TEX46: variants seen among roughly 807,000 people sequenced by gnomAD.
The protein encoded by TEX46 is testis expressed 46, also known as testis-expressed protein 46.
Under a neutral mutation model 5.3 loss-of-function variants are expected in TEX46, and 6 were observed. The ratio of observed to expected loss-of-function variants is 1.13; its 90% CI spans 0.62 to 2.23. TEX46 has a LOEUF of 2.23. Ranked by LOEUF, TEX46 falls within the 30% of genes most tolerant of loss-of-function variation. TEX46 has a pLI of 0.00. For synonymous variants in TEX46, 41 were observed against 54.6 expected, an observed-to-expected ratio of 0.75 and a Z score of 1.10; for missense variants, 131 against 150.9, an observed-to-expected ratio of 0.87 and a Z score of 0.69.
At chr1:23,012,761 G>A (rs1055961456) in intron 2 of TEX46, among the ~76,000 whole-genome samples, 5 of 152,142 alleles carry the variant, frequency 3.3e-5, no homozygotes, top group African/African-American at 1.2e-4. Flanking sequence ...TCCCACAATG[G>A]AGAATTATCT....
Position 23,013,166 on chromosome 1 carries a change from C to CTGTTTTGCA in TEX46, c.165+716_165+717insTGCAAAACA, listed in dbSNP as rs567730503. Among the ~76,000 whole-genome samples the CTGTTTTGCA allele has an allele frequency of 3.1e-3, 465 of 152,022 alleles. 5 individuals carry two copies. Among genetic ancestry groups the CTGTTTTGCA allele is most frequent in the African/African-American group, 0.01 (433 of 41,490 alleles). ...TATAGCTGTGAGCCACTGCGCCAGG[C>CTGTTTTGCA]TGTTTTGCTTTTTATTTTTGTTTTT... On this transcript the variant is annotated intron_variant, in intron 2 of 2. Transcript: ENST00000566855.
At chr1:23,014,581 TCTCA>T (rs1396949490) in intron 1 of TEX46, among the ~76,000 whole-genome samples, 4 of 152,052 alleles carry the variant, frequency 2.6e-5, no homozygotes, top group Non-Finnish European at 4.4e-5. Context: ...TGAGACAAGG[TCTCA>T]CTGTGTTGCC....
rs1461579914 is a variant in TEX46 at position 23,012,894 on chromosome 1, C to CA, written c.165+988dup. ...CTTTTTTTTTTTTTTTTTTTTGAGACAGAGTCTCACTCTGTCATCCAGGCT... is the reference window on the plus strand; with the variant it reads ...CTTTTTTTTTTTTTTTTTTTTGAGACAAGAGTCTCACTCTGTCATCCAGGCT... On this transcript the variant is annotated intron_variant, in intron 2 of 2. Transcript: ENST00000566855. Among the ~76,000 whole-genome samples the CA allele has an allele frequency of 1.6e-4, 20 of 124,420 alleles. No individual in the cohort carries two copies. The South Asian group carries it at 3.3e-3, about 20-fold the overall frequency. The allele number at this position is 124,420 out of a possible 152,430, so 81.6% of individuals were successfully genotyped here.
At chr1:23,011,170 C>G in intron 2 of TEX46, 69 bp from the exon 3 acceptor site, 1 of 1,280,500 alleles carries the variant, frequency 7.8e-7, no homozygotes, top group South Asian at 1.3e-5. Flanking sequence ...TTCTTGGAGT[C>G]GTTTTCAGAA....
chr1:23,014,623 G>A (rs912235970), intron 1 of TEX46, among the ~76,000 whole-genome samples: 1 of 151,710 alleles, frequency 6.6e-6, no homozygotes, highest in Non-Finnish European at 1.5e-5. Context: ...GTGTGATTGT[G>A]GCTCACTGAA....
intron 2 of TEX46, among the ~76,000 whole-genome samples, chr1:23,012,784 C>G (rs1641371360): frequency 6.6e-6 from 1 of 151,754 alleles, no homozygotes; most frequent in Non-Finnish European, 1.5e-5. Context: ...CCCAATATGT[C>G]AATAGTGCCA....
At chr1:23,012,503 C>A (rs1014367978) in intron 2 of TEX46, among the ~76,000 whole-genome samples, 10 of 152,036 alleles carry the variant, frequency 6.6e-5, no homozygotes, top group African/African-American at 2.4e-4. Context: ...ACTCTCACAC[C>A]CACAGCATCC....
chr1:23,011,165 G>C (rs1641347879), intron 2 of TEX46, 64 bp from the exon 3 acceptor site: 3 of 1,348,458 alleles, frequency 2.2e-6, no homozygotes, highest in Non-Finnish European at 3.1e-6. Context: ...TGCTGTTCTT[G>C]GAGTCGTTTT....
Position 23,015,436 on chromosome 1 carries a change from CAAAAAAAAAAAAAAAAA to C in TEX46, c.2+319_2+335del, listed in dbSNP as rs61258225. Among the ~76,000 whole-genome samples, 12 of 27,766 alleles carry C rather than the reference CAAAAAAAAAAAAAAAAA, an allele frequency of 4.3e-4. 1 individual carries two copies. The highest frequency in any genetic ancestry group is 8.0e-4 in the Admixed American group (1 of 1,250). 18.2% of individuals were successfully genotyped at this position (27,766 alleles called of 152,430 possible). A position where few individuals can be genotyped will look rare whatever the true frequency, so the allele number is the denominator to read the frequency against. ...GGGCGACAACAGTAAGACTCCTTCT[CAAAAAAAAAAAAAAAAA>C]AAAAAAAAAAAAAAAGCATACATTG... On this transcript the variant is annotated intron_variant, in intron 1 of 2. Coordinates refer to ENST00000566855, the MANE Select transcript of TEX46 (RefSeq NM_001242521.2).
Position 23,013,899 on chromosome 1 carries a change from A to T in TEX46, c.149T>A (p.Leu50His). Reference protein sequence around the residue: ...WLVKYEHKLTLPEPQQDEILQ... With the variant: ...WLVKYEHKLTHPEPQQDEILQ... ...TGTGCTCACCTGCTGGGGCTCTGGG[A>T]GGGTGAGCTTGTGTTCATACTTGAC... Residue 50 changes from leucine (L) to histidine (H), a missense_variant, in exon 2 of 3, where the codon CTC becomes CAC. Coordinates refer to ENST00000566855, the MANE Select transcript of TEX46 (RefSeq NM_001242521.2). 1 of 1,535,934 alleles carries T rather than the reference A, an allele frequency of 6.5e-7. No individual in the cohort carries two copies. The highest frequency in any genetic ancestry group is 8.7e-7 in the Non-Finnish European group (1 of 1,146,838).
intron 2 of TEX46, among the ~76,000 whole-genome samples, chr1:23,013,362 G>A (rs1569576024): frequency 1.3e-5 from 2 of 151,800 alleles, no homozygotes; most frequent in Admixed American, 6.6e-5. Flanking sequence ...TAGTAGAGAC[G>A]AGGTGTTACC....
chr1:23,011,392 CTT>C (rs35145511), intron 2 of TEX46, among the ~76,000 whole-genome samples: 18 of 133,214 alleles, frequency 1.4e-4, no homozygotes, highest in Admixed American at 2.3e-4. Context: ...AAGTCACTTT[CTT>C]TTTTTTTTTT....
intron 2 of TEX46, among the ~76,000 whole-genome samples, chr1:23,012,732 C>A (rs1213575199): frequency 6.6e-6 from 1 of 152,218 alleles, no homozygotes; most frequent in Non-Finnish European, 1.5e-5. Context: ...GCTAACAATG[C>A]ACAGGTGACA....
rs769513104 is a variant in TEX46 at position 23,010,894 on chromosome 1, G to A, written c.*7C>T. ...ACATCGGCAGAGGCCAGCCCGCCTC[G>A]GCCTCATTAGCTGGGGGAACTCGAA... is the stretch of plus-strand genomic sequence containing the variant. On this transcript the variant is annotated 3_prime_UTR_variant, in exon 3 of 3. Transcript: ENST00000566855. 17 of 1,522,874 alleles carry A rather than the reference G, an allele frequency of 1.1e-5. No individual in the cohort carries two copies. Among genetic ancestry groups the A allele is most frequent in the African/African-American group, 8.2e-5 (6 of 72,830 alleles). 94.3% of individuals were successfully genotyped at this position (1,522,874 alleles called of 1,614,324 possible). A position where few individuals can be genotyped will look rare whatever the true frequency, so the allele number is the denominator to read the frequency against.
At chr1:23,011,518 G>C (rs1269178631) in intron 2 of TEX46, among the ~76,000 whole-genome samples, 4 of 151,940 alleles carry the variant, frequency 2.6e-5, no homozygotes, top group South Asian at 2.1e-4. Flanking sequence ...TCAGCCTCCA[G>C]AGTAGCTGGG....
chr1:23,015,737 C>G (rs1427267777), intron 1 of TEX46, 35 bp downstream of exon 1: 5 of 535,770 alleles, frequency 9.3e-6, no homozygotes, highest in Admixed American at 7.8e-5. Context: ...AAGTCAGTCA[C>G]AAAAAAAAAA....
intron 1 of TEX46, among the ~76,000 whole-genome samples, chr1:23,015,464 A>AAAAAAAAAAAC (rs1641407103): frequency 6.7e-6 from 1 of 150,210 alleles, no homozygotes; most frequent in Non-Finnish European, 1.5e-5. Flanking sequence ...AAAAAAAAAA[A>AAAAAAAAAAAC]AAAAGCATAC....
At chr1:23,015,087 C>T (rs1162797947) in intron 1 of TEX46, among the ~76,000 whole-genome samples, 1 of 151,906 alleles carries the variant, frequency 6.6e-6, no homozygotes, top group Non-Finnish European at 1.5e-5. Flanking sequence ...AAATGATCTG[C>T]CCACCTCGGC....
Position 23,010,944 on chromosome 1 carries a change from A to G in TEX46, c.323T>C (p.Ile108Thr). Residue 108 changes from isoleucine to threonine, a missense_variant, in exon 3 of 3, where the codon ATT becomes ACT. Coordinates refer to ENST00000566855, the MANE Select transcript of TEX46 (RefSeq NM_001242521.2). ...KKHRMRRHESICPTLSDCTSS... is the reference protein window; with the variant it reads ...KKHRMRRHESTCPTLSDCTSS... ...AGTACAGTCAGACAGGGTGGGGCAA[A>G]TTGACTCATGCCTCCTCATTCTGTG... 6.5e-7 allele frequency: 1 copy of G among 1,534,570 alleles called. No individual in the cohort carries two copies. The highest frequency in any genetic ancestry group is 8.7e-7 in the Non-Finnish European group (1 of 1,145,586).
Sources: gnomAD v4.1 joint callset for allele counts (sites outside exome capture counted in the v4.1 genomes callset) on GRCh38, gnomAD v4.1.1 for gene constraint, MANE v1.5 for transcripts, NCBI Gene and HGNC (gene_info 2026-07-23, HGNC 2026-07-21) for gene names.